NT5C2: variants seen among roughly 807,000 people sequenced by gnomAD.
NT5C2 encodes the protein 5'-nucleotidase, cytosolic II, also known as cytosolic purine 5'-nucleotidase.
NT5C2 carries 58 observed loss-of-function variants against 76.1 expected under a neutral mutation model. That is an observed-to-expected ratio of 0.76 (90% CI 0.62 to 0.95). The LOEUF is 0.95. NT5C2 is among the 40% of genes least tolerant of loss of function. NT5C2 has a pLI of 0.00. For synonymous variants in NT5C2, 229 were observed against 237.4 expected (o/e 0.96, Z 0.32); for missense variants, 478 against 690.3 (o/e 0.69, Z 3.45).
At chr10:103,186,483 T>C (rs1428890455) in intron 1 of NT5C2, among the ~76,000 whole-genome samples, 2 of 152,210 alleles carry the variant, frequency 1.3e-5, no homozygotes, top group Non-Finnish European at 2.9e-5. Flanking sequence ...AATTAAAGTA[T>C]CCTAAATATA....
intron 4 of NT5C2, chr10:103,111,798 T>C: frequency 2.4e-6 from 3 of 1,231,872 alleles, no homozygotes; most frequent in Non-Finnish European, 3.0e-6. Flanking sequence ...GGAGTTACAC[T>C]GGCTCTCCTG....
intron 16 of NT5C2, among the ~76,000 whole-genome samples, chr10:103,091,309 G>A (rs1314633254): frequency 6.6e-6 from 1 of 151,938 alleles, no homozygotes; most frequent in Non-Finnish European, 1.5e-5. Flanking sequence ...CAAAGTGCTG[G>A]GATTACAGGC....
At chr10:103,154,410 A>G (rs1293129779) in intron 3 of NT5C2, among the ~76,000 whole-genome samples, 1 of 152,172 alleles carries the variant, frequency 6.6e-6, no homozygotes, top group Non-Finnish European at 1.5e-5. Flanking sequence ...AAATTAAGGG[A>G]TAAAAGACTT....
intron 3 of NT5C2, chr10:103,146,562 C>G (rs762494620): frequency 5.4e-5 from 23 of 429,292 alleles, no homozygotes; most frequent in Non-Finnish European, 6.8e-5. Flanking sequence ...CATATTTTTA[C>G]TTAATAGAAA....
At chr10:103,158,853 A>G (rs1418906720) in intron 3 of NT5C2, among the ~76,000 whole-genome samples, 4 of 151,756 alleles carry the variant, frequency 2.6e-5, no homozygotes, top group Non-Finnish European at 5.9e-5. Context: ...AAGCAGAGAC[A>G]TTACTACTGA....
intron 4 of NT5C2, among the ~76,000 whole-genome samples, chr10:103,133,195 G>C (rs1418381971): frequency 2.6e-5 from 4 of 152,184 alleles, no homozygotes; most frequent in African/African-American, 9.7e-5. Context: ...GCTGCCATAT[G>C]AGACATGCCT....
intron 3 of NT5C2, among the ~76,000 whole-genome samples, chr10:103,170,184 C>T (rs1187866517): frequency 6.6e-6 from 1 of 152,104 alleles, no homozygotes. Context: ...GTGGTACACA[C>T]CTGTAGTCCT....
chr10:103,141,701 C>T (rs1309510895), intron 3 of NT5C2, among the ~76,000 whole-genome samples: 1 of 151,974 alleles, frequency 6.6e-6, no homozygotes, highest in Non-Finnish European at 1.5e-5. Context: ...ATTTAATAAA[C>T]AAGTCATTTA....
At chr10:103,173,533 C>T (rs1484084547) in intron 3 of NT5C2, among the ~76,000 whole-genome samples, 1 of 146,858 alleles carries the variant, frequency 6.8e-6, no homozygotes. Flanking sequence ...AGGAGAATGG[C>T]GTGGACCCGG....
chr10:103,090,083 C>T (rs2066328575), intron 18 of NT5C2, 175 bp from the exon 19 acceptor site: 5 of 491,056 alleles, frequency 1.0e-5, no homozygotes, highest in Non-Finnish European at 1.8e-5. Context: ...GTCTTCCTCT[C>T]TCCCTGCCCC....
intron 4 of NT5C2, among the ~76,000 whole-genome samples, chr10:103,109,513 C>T (rs2072356509): frequency 6.6e-6 from 1 of 152,188 alleles, no homozygotes; most frequent in Non-Finnish European, 1.5e-5. Context: ...TTATTTCAAA[C>T]TGTATTTAAT....
chr10:103,135,284 G>A (rs762298104), intron 4 of NT5C2, among the ~76,000 whole-genome samples: 3 of 152,156 alleles, frequency 2.0e-5, no homozygotes, highest in Non-Finnish European at 4.4e-5. Context: ...CCAGTGGGAG[G>A]TAATTGAATC....
intron 4 of NT5C2, among the ~76,000 whole-genome samples, chr10:103,110,567 TAC>T (rs1251288074): frequency 6.6e-6 from 1 of 152,210 alleles, no homozygotes; most frequent in Admixed American, 6.5e-5. Flanking sequence ...TGTTGAAACA[TAC>T]ACTTCTCCCT....
At chr10:103,116,585 T>TC (rs1430646856) in intron 4 of NT5C2, among the ~76,000 whole-genome samples, 2 of 133,898 alleles carry the variant, frequency 1.5e-5, no homozygotes, top group African/African-American at 5.7e-5. Context: ...TTTTTTTTTT[T>TC]TCTTTTTTTT....
At chr10:103,122,560 G>C (rs2082997426) in intron 4 of NT5C2, among the ~76,000 whole-genome samples, 1 of 152,174 alleles carries the variant, frequency 6.6e-6, no homozygotes, top group Admixed American at 6.5e-5. Context: ...TTACTGATAG[G>C]ATTTAGGACA....
chr10:103,139,082 C>T (rs2079896121), intron 4 of NT5C2, among the ~76,000 whole-genome samples: 1 of 151,986 alleles, frequency 6.6e-6, no homozygotes, highest in African/African-American at 2.4e-5. Context: ...AATCTCATAC[C>T]TAAAGAATGG....
At chr10:103,191,393 AAAAAAGAG>A (rs369043519) in intron 1 of NT5C2, among the ~76,000 whole-genome samples, 2,128 of 138,552 alleles carry the variant, frequency 0.015, 54 homozygotes, top group African/African-American at 0.052. Context: ...AAAAAAAAAA[AAAAAAGAG>A]AGAGAGAGGA....
At chr10:103,090,841 CAGT>C in intron 17 of NT5C2, 54 bp from the exon 18 acceptor site, 1 of 1,595,048 alleles carries the variant, frequency 6.3e-7, no homozygotes, top group East Asian at 2.2e-5. Flanking sequence ...ATTTATTGAG[CAGT>C]AGTTGAATGC....
intron 4 of NT5C2, among the ~76,000 whole-genome samples, chr10:103,107,528 T>G (rs1408955449): frequency 6.6e-6 from 1 of 151,636 alleles, no homozygotes; most frequent in Non-Finnish European, 1.5e-5. Context: ...ATACAAAAAA[T>G]TAGCCGGGTG....
Sources: gnomAD v4.1 joint callset for allele counts (sites outside exome capture counted in the v4.1 genomes callset) on GRCh38, gnomAD v4.1.1 for gene constraint, MANE v1.5 for transcripts, NCBI Gene and HGNC (gene_info 2026-07-23, HGNC 2026-07-21) for gene names.